The following OSGIN2 variants were observed in gnomAD, a reference collection of about 807,000 sequenced individuals.
OSGIN2 encodes oxidative stress-induced growth inhibitor 2.
Under a neutral mutation model 53.8 loss-of-function variants are expected in OSGIN2, and 19 were observed. The ratio of observed to expected loss-of-function variants is 0.35; its 90% CI spans 0.25 to 0.52. The LOEUF is 0.52. OSGIN2 is among the 20% of genes least tolerant of loss of function. The pLI, the probability that OSGIN2 is intolerant of heterozygous loss-of-function variation, is 0.95. For missense variants in OSGIN2, 520 were observed against 662.7 expected, an observed-to-expected ratio of 0.78 and a Z score of 2.36; for synonymous variants, 236 against 236.0, an observed-to-expected ratio of 1.00 and a Z score of 0.00.
upstream of OSGIN2, chr8:89,902,406 C>G (rs1230568914): frequency 6.6e-6 from 1 of 152,134 alleles, no homozygotes; most frequent in Non-Finnish European, 1.5e-5. Flanking sequence ...CGCGCAGCCT[C>G]GGCTCCATCA....
chr8:89,921,451 A>G (rs2130711601), intron 5 of OSGIN2: 1 of 295,292 alleles, frequency 3.4e-6, no homozygotes, highest in South Asian at 8.3e-5. Flanking sequence ...CTGTTTAGTT[A>G]CTTTCTCATC....
chr8:89,914,448 G>A, intron 3 of OSGIN2, 107 bp from the exon 4 acceptor site: 7 of 827,080 alleles, frequency 8.5e-6, no homozygotes, highest in Non-Finnish European at 1.3e-5. Context: ...CTGTGGTCAA[G>A]TTGGGGGTAC....
chr8:89,924,954 G>A lies in OSGIN2; in HGVS notation c.1072G>A (p.Ala358Thr), dbSNP rs755216774. 2.5e-6 allele frequency: 4 copies of A among 1,613,892 alleles called. No individual in the cohort carries two copies. Among genetic ancestry groups the A allele is most frequent in the South Asian group, 1.1e-5 (1 of 91,082 alleles). Residue 358 changes from alanine to threonine, a missense_variant, in exon 6 of 6, where the codon GCT becomes ACT. Transcript: ENST00000451899. ...AATTGTAGGTTCTGGGCTTACTGCCGCTGACGCAGTACTGTGTGCTTACAA... is the reference window on the plus strand; with the variant it reads ...AATTGTAGGTTCTGGGCTTACTGCCACTGACGCAGTACTGTGTGCTTACAA... ...VLIVGSGLTA[A>T]DAVLCAYNSN...
Position 89,914,530 on chromosome 8 carries a change from C to T in OSGIN2, c.337-25C>T, listed in dbSNP as rs73696835. On this transcript the variant is annotated intron_variant, in intron 3 of 5. Transcript: ENST00000451899. The stretch of plus-strand genomic sequence containing the variant: ...CTGGGAAATGCTGGCTTTTTTCAAA[C>T]TCTGTCTCCCTTTTGTTCATTCAGG... 2.3e-3 allele frequency: 3,588 copies of T among 1,584,750 alleles called. 59 individuals carry two copies. In the African/African-American group the frequency reaches 0.038, roughly 17 times the overall value.
rs150529909 is a variant in OSGIN2 at position 89,909,081 on chromosome 8, T to C, written c.45-486T>C. ...ATATATATATAATGTATATGTAGTA[T>C]ATTTTTTGAATAAAAATGTATAAAC... On this transcript the variant is annotated intron_variant, in intron 1 of 5. Coordinates refer to ENST00000451899, the MANE Select transcript of OSGIN2 (RefSeq NM_001126111.3). 3.7e-3 allele frequency among the ~76,000 whole-genome samples: 542 copies of C among 145,216 alleles called. 4 individuals carry two copies. The highest frequency in any genetic ancestry group is 0.013 in the African/African-American group (511 of 39,630).
intron 1 of OSGIN2, among the ~76,000 whole-genome samples, chr8:89,906,742 C>T (rs1321915194): frequency 6.6e-6 from 1 of 152,126 alleles, no homozygotes; most frequent in Non-Finnish European, 1.5e-5. Flanking sequence ...AGTGAATGTA[C>T]ACGTGCATTT....
intron 1 of OSGIN2, 49 bp downstream of exon 1, chr8:89,902,886 T>C: frequency 7.8e-7 from 1 of 1,279,224 alleles, no homozygotes; most frequent in African/African-American, 1.5e-5. Context: ...GATGCCGCGC[T>C]CTCGAGCTTT....
chr8:89,908,064 C>T (rs1486113539), intron 1 of OSGIN2, among the ~76,000 whole-genome samples: 1 of 152,138 alleles, frequency 6.6e-6, no homozygotes, highest in African/African-American at 2.4e-5. Context: ...TTTGCACATA[C>T]TTTGGAGAAA....
In OSGIN2 at chr8:89,927,872, A is replaced by G. The variant is rs1809384768; in HGVS notation, c.*2340A>G. ...CTAAATAAATTCAACTATTAAATAA[A>G]TGCAAGTTCCACTAAATCTTAGTGT... is the stretch of plus-strand genomic sequence containing the variant. On this transcript the variant is annotated 3_prime_UTR_variant, in exon 6 of 6. Coordinates refer to ENST00000451899, the MANE Select transcript of OSGIN2 (RefSeq NM_001126111.3). 6.6e-6 allele frequency: 1 copy of G among 152,256 alleles called. No homozygotes were observed. Among genetic ancestry groups the G allele is most frequent in the South Asian group, 2.1e-4 (1 of 4,838 alleles). The allele number at this position is 152,256 out of a possible 1,614,324, so 9.4% of individuals were successfully genotyped here. A position where few individuals can be genotyped will look rare whatever the true frequency, so the allele number is the denominator to read the frequency against.
rs1808920070 is a variant in OSGIN2 at position 89,909,425 on chromosome 8, C to G, written c.45-142C>G. On this transcript the variant is annotated intron_variant, in intron 1 of 5. Coordinates refer to ENST00000451899, the MANE Select transcript of OSGIN2 (RefSeq NM_001126111.3). Reference sequence around the variant, plus strand: ...TGTAGCGAAGCTACTAATTTGAAAGCATTAATCAGAAGGATTTTCTTTGCT... The same window carrying G: ...TGTAGCGAAGCTACTAATTTGAAAGGATTAATCAGAAGGATTTTCTTTGCT... 3 of 497,946 alleles carry G rather than the reference C, an allele frequency of 6.0e-6. No homozygotes were observed. The South Asian group carries it at 1.4e-4, about 23-fold the overall frequency. The allele number at this position is 497,946 out of a possible 1,614,324, so 30.8% of individuals were successfully genotyped here. A position where few individuals can be genotyped will look rare whatever the true frequency, so the allele number is the denominator to read the frequency against.
chr8:89,902,268 C>G (rs1202820576), upstream of OSGIN2: 1 of 152,336 alleles, frequency 6.6e-6, no homozygotes, highest in East Asian at 1.9e-4. Context: ...TCCCTCGGCC[C>G]TCTCGACGCG....
At position 89,909,640 on chromosome 8, in the gene OSGIN2, C is replaced by A; in HGVS notation, c.118C>A (p.Arg40=). Residue 40 remains arginine (R), a synonymous_variant, in exon 2 of 6, where the codon CGA becomes AGA. Coordinates refer to ENST00000451899, the MANE Select transcript of OSGIN2 (RefSeq NM_001126111.3). ...LVQYFGDNLG[R]KVKAMPLVEE... is the part of the protein sequence containing the mutation. ...GCAATACTTTGGTGACAACTTGGGG[C>A]GAAAAGTTAAAGCGATGCCATTAGT... 5.6e-6 allele frequency: 9 copies of A among 1,608,326 alleles called. No homozygotes were observed. Among genetic ancestry groups the A allele is most frequent in the Non-Finnish European group, 7.6e-6 (9 of 1,176,522 alleles).
Position 89,925,535 on chromosome 8 carries a change from C to T in OSGIN2, c.*3C>T. On this transcript the variant is annotated 3_prime_UTR_variant, in exon 6 of 6. Coordinates refer to ENST00000451899, the MANE Select transcript of OSGIN2 (RefSeq NM_001126111.3). ...GAGGAGGAGATGGGATAGCTTAAAG[C>T]AAGTTTACAAGTAATTAAAATGGAC... 6.2e-7 allele frequency: 1 copy of T among 1,601,760 alleles called. No homozygotes were observed. Among genetic ancestry groups the T allele is most frequent in the Non-Finnish European group, 8.5e-7 (1 of 1,172,214 alleles).
intron 4 of OSGIN2, among the ~76,000 whole-genome samples, chr8:89,919,284 C>G (rs999362023): frequency 6.6e-6 from 1 of 152,124 alleles, no homozygotes; most frequent in African/African-American, 2.4e-5. Context: ...TGAAAGGATA[C>G]AGATTAGAAT....
At chr8:89,911,937 CAAA>C (rs35376198) in intron 2 of OSGIN2, among the ~76,000 whole-genome samples, 1 of 144,392 alleles carries the variant, frequency 6.9e-6, no homozygotes, top group African/African-American at 2.5e-5. Flanking sequence ...GACTCCGTCT[CAAA>C]AAAAAAAAAG....
chr8:89,912,197 A>G (rs1226597835), intron 2 of OSGIN2, among the ~76,000 whole-genome samples: 1 of 152,246 alleles, frequency 6.6e-6, no homozygotes, highest in Non-Finnish European at 1.5e-5. Flanking sequence ...AATAAGTGGT[A>G]ATCCAGAATA....
At chr8:89,904,092 A>G (rs1808787604) in intron 1 of OSGIN2, among the ~76,000 whole-genome samples, 1 of 152,240 alleles carries the variant, frequency 6.6e-6, no homozygotes, top group Admixed American at 6.5e-5. Flanking sequence ...GGTTGTGGAT[A>G]TTAAGGAAAA....
At chr8:89,919,969 G>A (rs992391934) in intron 4 of OSGIN2, among the ~76,000 whole-genome samples, 1 of 152,208 alleles carries the variant, frequency 6.6e-6, no homozygotes, top group Non-Finnish European at 1.5e-5. Flanking sequence ...AAAATGAAGA[G>A]ATCAAGGCAT....
chr8:89,922,391 G>T (rs966685920), intron 5 of OSGIN2, among the ~76,000 whole-genome samples: 2 of 152,162 alleles, frequency 1.3e-5, no homozygotes, highest in African/African-American at 4.8e-5. Context: ...TAGGCAAGTT[G>T]TACAGTTCTT....
Sources: allele counts gnomAD v4.1 joint callset (sites outside exome capture counted in the v4.1 genomes callset), GRCh38; gene constraint gnomAD v4.1.1; transcripts MANE v1.5; gene names NCBI Gene and HGNC (gene_info 2026-07-23, HGNC 2026-07-21).